The following KSR2 variants were observed in gnomAD, a reference collection of about 807,000 sequenced individuals.
KSR2 encodes kinase suppressor of ras 2.
KSR2 carries 25 observed loss-of-function variants against 107.8 expected under a neutral mutation model. The ratio of observed to expected loss-of-function variants is 0.23; its 90% CI spans 0.17 to 0.32. KSR2 has a LOEUF of 0.32. Ranked by LOEUF, KSR2 falls within the 10% of genes least tolerant of loss-of-function variation. KSR2 has a pLI of 1.00. For missense variants in KSR2, 887 were observed against 1,268.9 expected (o/e 0.70, Z 4.57); for synonymous variants, 480 against 507.0 (o/e 0.95, Z 0.71).
chr12:117,548,814 A>T (rs1877073557), intron 9 of KSR2, among the ~76,000 whole-genome samples: 1 of 152,232 alleles, frequency 6.6e-6, no homozygotes, highest in African/African-American at 2.4e-5. Flanking sequence ...GACCCTCTCC[A>T]GAGAGTCTCT....
chr12:117,558,536 G>A lies in KSR2; in HGVS notation c.1363C>T (p.Pro455Ser), dbSNP rs528611777. ...CGGTGGATGATCAGAAGATGACAGG[G>A]TGGGGCTTCTTTGGTGCATTTGTTG... The part of the protein sequence containing the change: ...CHNKCTKEAP[P>S]CHLLIIHRGD... Residue 455 changes from proline to serine, a missense_variant, in exon 8 of 20, where the codon CCC becomes TCC. Physicochemically the swap from Pro to Ser is moderately conservative, Grantham distance 74. Around this residue, in one of 8 missense-constraint regions of KSR2, gnomAD observed 60 missense variants for 77.5 expected, o/e 0.77. Coordinates refer to ENST00000339824, the MANE Select transcript of KSR2 (RefSeq NM_173598.6). The A allele has an allele frequency of 6.2e-7, 1 of 1,613,936 alleles. No individual in the cohort carries two copies.
At chr12:117,710,184 G>A (rs1340272595) in intron 4 of KSR2, among the ~76,000 whole-genome samples, 4 of 152,014 alleles carry the variant, frequency 2.6e-5, no homozygotes, top group Admixed American at 6.6e-5. Flanking sequence ...ATTTGAATAC[G>A]GCCTCTTGCT....
At chr12:117,804,617 C>T (rs951145093) in intron 3 of KSR2, among the ~76,000 whole-genome samples, 3 of 152,114 alleles carry the variant, frequency 2.0e-5, no homozygotes, top group Admixed American at 6.5e-5. Flanking sequence ...TCATCTTTAT[C>T]TCCTTGAGAA....
intron 7 of KSR2, among the ~76,000 whole-genome samples, chr12:117,566,876 T>C (rs1878526611): frequency 6.6e-6 from 1 of 152,246 alleles, no homozygotes; most frequent in Admixed American, 6.5e-5. Flanking sequence ...CTACTCATCC[T>C]ACTGCGCCCA....
chr12:117,845,159 C>T (rs368413676), intron 3 of KSR2, among the ~76,000 whole-genome samples: 12 of 152,014 alleles, frequency 7.9e-5, no homozygotes, highest in Admixed American at 3.9e-4. Context: ...AACAAAAAAC[C>T]GGCGTCATAG....
intron 4 of KSR2, among the ~76,000 whole-genome samples, chr12:117,730,552 A>T (rs1887626942): frequency 6.6e-6 from 1 of 150,960 alleles, no homozygotes; most frequent in Admixed American, 6.6e-5. Flanking sequence ...TCTCCCTCTG[A>T]TGCTGAGCCG....
At chr12:117,637,675 G>GTTTTTTTTTTTTTTTTTTTT (rs56169273) in intron 5 of KSR2, among the ~76,000 whole-genome samples, 4 of 92,086 alleles carry the variant, frequency 4.3e-5, no homozygotes, top group Admixed American at 1.4e-4. Context: ...TCAGTTTTGG[G>GTTTTTTTTTTTTTTTTTTTT]TTTTTTTTTT....
intron 5 of KSR2, among the ~76,000 whole-genome samples, chr12:117,640,452 T>C (rs1418004412): frequency 1.3e-5 from 2 of 152,184 alleles, no homozygotes; most frequent in Non-Finnish European, 2.9e-5. Flanking sequence ...GGTTTCACCA[T>C]GTAGACCAGG....
At chr12:117,826,492 G>A (rs1381067789) in intron 3 of KSR2, among the ~76,000 whole-genome samples, 1 of 151,070 alleles carries the variant, frequency 6.6e-6, no homozygotes, top group East Asian at 2.0e-4. Flanking sequence ...AGACTAAGGG[G>A]AAAAAACACA....
At position 117,774,500 on chromosome 12, in the gene KSR2, T is replaced by C. The variant is rs150517869; in HGVS notation, c.473-12976A>G. On this transcript the variant is annotated intron_variant, in intron 3 of 19. Coordinates refer to ENST00000339824, the MANE Select transcript of KSR2 (RefSeq NM_173598.6). ...TAGTCTGGGCAGGTCACCTGGGAGA[T>C]GGGACAGGGCAGGGAGCACAGGCTC... Among the ~76,000 whole-genome samples, 131 of 152,300 alleles carry C rather than the reference T, an allele frequency of 8.6e-4. 1 individual carries two copies. Among genetic ancestry groups the C allele is most frequent in the African/African-American group, 2.9e-3 (122 of 41,570 alleles).
At chr12:117,782,752 C>CA (rs1313612196) in intron 3 of KSR2, among the ~76,000 whole-genome samples, 1 of 152,046 alleles carries the variant, frequency 6.6e-6, no homozygotes, top group Non-Finnish European at 1.5e-5. Context: ...GTGAAAAAGC[C>CA]AAAATTTGAA....
chr12:117,944,313 T>C (rs1593391759), intron 1 of KSR2, among the ~76,000 whole-genome samples: 1 of 151,956 alleles, frequency 6.6e-6, no homozygotes, highest in Non-Finnish European at 1.5e-5. Flanking sequence ...GAGACGGAGG[T>C]TGCGGTGAGC....
At position 117,464,031 on chromosome 12, in the gene KSR2, C is replaced by G. The variant is rs1180513530; in HGVS notation, c.*3168G>C. ...TCTCTTTGATCAGTAAAAGGAATAC[C>G]AGGACAAAATGGATCTAAGCAATGA... On this transcript the variant is annotated 3_prime_UTR_variant, in exon 20 of 20. Coordinates refer to ENST00000339824, the MANE Select transcript of KSR2 (RefSeq NM_173598.6). 3 of 152,084 alleles carry G rather than the reference C, an allele frequency of 2.0e-5. No individual in the cohort carries two copies. Among genetic ancestry groups the G allele is most frequent in the Admixed American group, 2.0e-4 (3 of 15,268 alleles). 9.4% of individuals were successfully genotyped at this position (152,084 alleles called of 1,614,324 possible).
At chr12:117,612,147 G>A (rs1471143482) in intron 5 of KSR2, among the ~76,000 whole-genome samples, 1 of 152,208 alleles carries the variant, frequency 6.6e-6, no homozygotes, top group East Asian at 1.9e-4. Context: ...GCTCACGCCT[G>A]TAATCCCAGC....
chr12:117,874,278 G>T (rs1315070252), intron 1 of KSR2, among the ~76,000 whole-genome samples: 1 of 152,008 alleles, frequency 6.6e-6, no homozygotes, highest in African/African-American at 2.4e-5. Context: ...TGTTGTCCAG[G>T]CTGGAGTGCA....
At chr12:117,812,006 G>T (rs1260639861) in intron 3 of KSR2, among the ~76,000 whole-genome samples, 2 of 152,184 alleles carry the variant, frequency 1.3e-5, no homozygotes, top group Non-Finnish European at 2.9e-5. Flanking sequence ...TCTGCTGGGG[G>T]TTAGACCACT....
chr12:117,947,182 GAAAGAAAAGAAAGAAAAGAAAGAAAA>G lies in KSR2; in HGVS notation c.180+20868_180+20893del, dbSNP rs1566094396. 9.0e-4 allele frequency among the ~76,000 whole-genome samples: 97 copies of G among 107,908 alleles called. 2 individuals carry two copies. Among genetic ancestry groups the G allele is most frequent in the African/African-American group, 3.4e-3 (95 of 27,948 alleles). 70.8% of individuals were successfully genotyped at this position (107,908 alleles called of 152,430 possible). ...CACTCTGTCAAAAGAAAGAAAGAAAGAAAGAAAAGAAAGAAAAGAAAGAAAAGAAAGAAAGAAAGAAAGAAAGAAAG... is the reference window on the plus strand; with the variant it reads ...CACTCTGTCAAAAGAAAGAAAGAAAGGAAAGAAAGAAAGAAAGAAAGAAAG... On this transcript the variant is annotated intron_variant, in intron 1 of 19. Coordinates refer to ENST00000339824, the MANE Select transcript of KSR2 (RefSeq NM_173598.6).
chr12:117,936,275 G>A (rs1442436728), intron 1 of KSR2, among the ~76,000 whole-genome samples: 9 of 151,994 alleles, frequency 5.9e-5, no homozygotes, highest in Admixed American at 5.3e-4. Context: ...CGATCTGCCT[G>A]CCTTGACCTC....
At chr12:117,584,078 G>T (rs1196464499) in intron 5 of KSR2, among the ~76,000 whole-genome samples, 2 of 152,104 alleles carry the variant, frequency 1.3e-5, no homozygotes, top group Non-Finnish European at 2.9e-5. Context: ...TGTAAAGCTG[G>T]GATCCTTTAT....
Sources: allele counts gnomAD v4.1 joint callset (sites outside exome capture counted in the v4.1 genomes callset), GRCh38; gene constraint gnomAD v4.1.1; regional missense constraint gnomAD v4.1.1; transcripts MANE v1.5; gene names NCBI Gene and HGNC (gene_info 2026-07-23, HGNC 2026-07-21).